Variants in SYT6 observed in about 807,000 individuals in gnomAD.
The protein encoded by SYT6 is synaptotagmin 6, also known as synaptotagmin-6.
A neutral mutation model predicts 38.4 loss-of-function variants in SYT6; 24 were observed. The observed-to-expected ratio is 0.62, with a 90% CI of 0.45 to 0.88. The LOEUF (loss-of-function observed/expected upper bound fraction) is 0.88, where lower values mean the gene tolerates loss of function less well. Ranked by LOEUF, SYT6 falls within the 40% of genes least tolerant of loss-of-function variation. The pLI, the probability that SYT6 is intolerant of heterozygous loss-of-function variation, is 0.00. For synonymous variants in SYT6, 265 were observed against 241.9 expected (o/e 1.10, Z -0.89); for missense variants, 611 against 621.0 (o/e 0.98, Z 0.17).
rs763200533 is a variant in SYT6 at position 114,152,041 on chromosome 1, G to A, written c.163+1569C>T. Among the ~76,000 whole-genome samples, 164 of 152,138 alleles carry A rather than the reference G, an allele frequency of 1.1e-3. 1 individual carries two copies. Among genetic ancestry groups the A allele is most frequent in the Non-Finnish European group, 2.0e-3 (134 of 67,974 alleles). ...CCCTCACAGGGCTCAGGTGGGCTCC[G>A]CTCACCCCAAGGCTGGATACAGCCC... On this transcript the variant is annotated intron_variant, in intron 1 of 7. Transcript: ENST00000610222.
rs1258746282 is a variant in SYT6, at chr1:114,089,372, CATA to C, written c.*2759_*2761del. ...GAAGACACAAACGAGTAATTAACAA[CATA>C]ATATTTTAAATGACAGTGCAATTAA... On this transcript the variant is annotated 3_prime_UTR_variant, in exon 8 of 8. Coordinates refer to ENST00000610222, the MANE Select transcript of SYT6 (RefSeq NM_001253772.2). The C allele has an allele frequency of 1.3e-5, 2 of 152,678 alleles. No homozygotes were observed. The highest frequency in any genetic ancestry group is 6.5e-5 in the Admixed American group (1 of 15,278). 9.5% of individuals were successfully genotyped at this position (152,678 alleles called of 1,614,324 possible).
At position 114,112,162 on chromosome 1, in the gene SYT6, C is replaced by T. The variant is rs147128861; in HGVS notation, c.1072-8441G>A. Among the ~76,000 whole-genome samples, 53 of 152,304 alleles carry T rather than the reference C, an allele frequency of 3.5e-4. No individual in the cohort carries two copies. In the East Asian group the frequency reaches 9.1e-3, roughly 26 times the overall value. On this transcript the variant is annotated intron_variant, in intron 3 of 7. Coordinates refer to ENST00000610222, the MANE Select transcript of SYT6 (RefSeq NM_001253772.2). ...TCAACCAGAATTGAGGCTCCTTATACGAACTCAGTATACTCCAGCTTCACC... is the reference window on the plus strand; with the variant it reads ...TCAACCAGAATTGAGGCTCCTTATATGAACTCAGTATACTCCAGCTTCACC...
In SYT6 at chr1:114,139,915, G is replaced by A. The variant is rs560943567; in HGVS notation, c.212C>T (p.Ala71Val). 3 of 1,528,458 alleles carry A rather than the reference G, an allele frequency of 2.0e-6. No homozygotes were observed. Among genetic ancestry groups the A allele is most frequent in the Non-Finnish European group, 2.6e-6 (3 of 1,141,424 alleles). The allele number at this position is 1,528,458 out of a possible 1,614,324, so 94.7% of individuals were successfully genotyped here. ...GAGAAAGAGAAAAACTGCCACCAGG[G>A]CCACGCCACACACAATAACTACAAC... ...LAVVVIVCGV[A>V]LVAVFLFLFW... Residue 71 changes from alanine (A) to valine (V), a missense_variant, in exon 2 of 8, where the codon GCC (alanine) becomes GTC (valine). Transcript: ENST00000610222.
At chr1:114,132,548 A>G (rs1258748833) in intron 3 of SYT6, among the ~76,000 whole-genome samples, 1 of 152,232 alleles carries the variant, frequency 6.6e-6, no homozygotes, top group Non-Finnish European at 1.5e-5. Flanking sequence ...AGATGGTTTA[A>G]TACTGAGGAA....
At chr1:114,135,372 C>A (rs1378827314) in intron 3 of SYT6, among the ~76,000 whole-genome samples, 1 of 152,178 alleles carries the variant, frequency 6.6e-6, no homozygotes, top group Non-Finnish European at 1.5e-5. Context: ...ACTGCATGGA[C>A]TTTTCCTGTC....
chr1:114,110,817 C>G (rs34103092), intron 3 of SYT6, among the ~76,000 whole-genome samples: 15,210 of 152,240 alleles, frequency 0.1, 873 homozygotes, highest in South Asian at 0.21. Context: ...CTGGCCTGCA[C>G]CATCTCTGCC....
At chr1:114,104,517 T>C (rs1429743606) in intron 3 of SYT6, among the ~76,000 whole-genome samples, 2 of 152,064 alleles carry the variant, frequency 1.3e-5, no homozygotes, top group African/African-American at 4.8e-5. Flanking sequence ...CTTCCTCCAT[T>C]TGATGAAGGA....
At chr1:114,152,381 G>A (rs1213281642) in intron 1 of SYT6, 1 of 152,492 alleles carries the variant, frequency 6.6e-6, no homozygotes, top group African/African-American at 2.4e-5. Flanking sequence ...GGGTCGGGGT[G>A]GGGGAATAAG....
rs1001235944 is a variant in SYT6, at chr1:114,137,756, C to A, written c.810G>T (p.Lys270Asn). ...ATTTGCGGTCAGGCAGGAGGTAGAT[C>A]TTGACATAAGGGTCAGAGCTTCCAC... ...DFCGSSDPYV[K>N]IYLLPDRKCK... The change falls in exon 3 of 8, where the codon AAG becomes AAT. Residue 270 changes from lysine (K) to asparagine (N), a missense_variant. Lys to Asn is a moderately conservative substitution (Grantham distance 94, BLOSUM62 0). Coordinates refer to ENST00000610222, the MANE Select transcript of SYT6 (RefSeq NM_001253772.2). The A allele has an allele frequency of 6.2e-7, 1 of 1,614,132 alleles. No individual in the cohort carries two copies. Among genetic ancestry groups the A allele is most frequent in the Middle Eastern group, 1.6e-4 (1 of 6,062 alleles).
chr1:114,112,035 G>C (rs1474532238), intron 3 of SYT6, among the ~76,000 whole-genome samples: 4 of 152,182 alleles, frequency 2.6e-5, no homozygotes, highest in African/African-American at 9.7e-5. Context: ...GGGGCTTCCT[G>C]CTGGGTGCTG....
chr1:114,118,403 A>G (rs498302), intron 3 of SYT6, among the ~76,000 whole-genome samples: 92,366 of 152,110 alleles, frequency 0.61, 28,743 homozygotes, highest in African/African-American at 0.74. Flanking sequence ...CTGGGAGGAG[A>G]GAGGCCCAGG....
chr1:114,151,798 T>A (rs1679450432), intron 1 of SYT6, among the ~76,000 whole-genome samples: 1 of 152,108 alleles, frequency 6.6e-6, no homozygotes, highest in African/African-American at 2.4e-5. Context: ...ATGCGTGGTG[T>A]AGGAGGGGAT....
chr1:114,135,929 C>T (rs574492937), intron 3 of SYT6, among the ~76,000 whole-genome samples: 8 of 152,318 alleles, frequency 5.3e-5, no homozygotes, highest in African/African-American at 1.9e-4. Flanking sequence ...CAAATGTAAA[C>T]TTCAGAGTGA....
rs767741595 is a variant in SYT6 at position 114,139,673 on chromosome 1, G to C, written c.454C>G (p.His152Asp). ...PAEVQMSVKE[H>D]IMRHTRLQRQ... ...TGCAGCCGGGTGTGACGCATGATGTGCTCCTTGACCGACATCTGCACCTCA... is the reference window on the plus strand; with the variant it reads ...TGCAGCCGGGTGTGACGCATGATGTCCTCCTTGACCGACATCTGCACCTCA... Residue 152 changes from histidine to aspartate, a missense_variant, in exon 2 of 8, where the codon CAC becomes GAC. Transcript: ENST00000610222. 4 of 1,614,042 alleles carry C rather than the reference G, an allele frequency of 2.5e-6. No homozygotes were observed. The highest frequency in any genetic ancestry group is 3.4e-6 in the Non-Finnish European group (4 of 1,180,000).
intron 3 of SYT6, 40 bp downstream of exon 3, chr1:114,137,455 C>G: frequency 3.2e-6 from 5 of 1,581,386 alleles, no homozygotes; most frequent in Non-Finnish European, 4.3e-6. Flanking sequence ...AACCCAGAAC[C>G]ACAAATCCTC....
At chr1:114,098,930 A>G (rs1675806197) in intron 5 of SYT6, among the ~76,000 whole-genome samples, 164 bp downstream of exon 5, 2 of 152,206 alleles carry the variant, frequency 1.3e-5, no homozygotes, top group African/African-American at 4.8e-5. Flanking sequence ...GGGAGAATCT[A>G]TGCTCTTCCT....
intron 1 of SYT6, among the ~76,000 whole-genome samples, chr1:114,153,399 G>T (rs1460206653): frequency 6.6e-6 from 1 of 152,228 alleles, no homozygotes; most frequent in Non-Finnish European, 1.5e-5. Context: ...CAGGAGGGCC[G>T]GGGGCTTCTA....
At chr1:114,106,693 T>C (rs1365060795) in intron 3 of SYT6, among the ~76,000 whole-genome samples, 1 of 152,016 alleles carries the variant, frequency 6.6e-6, no homozygotes, top group Non-Finnish European at 1.5e-5. Context: ...GATACTCCTA[T>C]ACCTACATCA....
At chr1:114,102,792 C>T (rs773594455) in intron 4 of SYT6, among the ~76,000 whole-genome samples, 1 of 151,934 alleles carries the variant, frequency 6.6e-6, no homozygotes, top group Non-Finnish European at 1.5e-5. Context: ...GACCAAGAGG[C>T]TTCACCCCAT....
Sources: gnomAD v4.1 joint callset for allele counts (sites outside exome capture counted in the v4.1 genomes callset) on GRCh38, gnomAD v4.1.1 for gene constraint, MANE v1.5 for transcripts, NCBI Gene and HGNC (gene_info 2026-07-23, HGNC 2026-07-21) for gene names.